CAMKMT: variants seen among roughly 807,000 people sequenced by gnomAD.
CAMKMT encodes the protein CaM KMT.
CAMKMT carries 53 observed loss-of-function variants against 48.0 expected under a neutral mutation model. That is an observed-to-expected ratio of 1.10 (90% CI 0.89 to 1.39). The LOEUF is 1.39. Ranked by LOEUF, CAMKMT falls within the 40% of genes most tolerant of loss-of-function variation. The probability of loss-of-function intolerance (pLI) is 0.00; values close to 1 mark genes in which losing one functional copy is unlikely to be tolerated. For synonymous variants in CAMKMT, 165 were observed against 152.3 expected, an observed-to-expected ratio of 1.08 and a Z score of -0.61; for missense variants, 428 against 402.7, an observed-to-expected ratio of 1.06 and a Z score of -0.54.
At chr2:44,698,182 T>C (rs1677063058) in intron 3 of CAMKMT, among the ~76,000 whole-genome samples, 1 of 152,240 alleles carries the variant, frequency 6.6e-6, no homozygotes, top group African/African-American at 2.4e-5. Flanking sequence ...TGTGCAACTG[T>C]CACCACAATT....
At chr2:44,585,458 G>T (rs1669806743) in intron 3 of CAMKMT, among the ~76,000 whole-genome samples, 1 of 152,178 alleles carries the variant, frequency 6.6e-6, no homozygotes, top group South Asian at 2.1e-4. Context: ...CTGCTTCTCT[G>T]GGGGGTTATA....
chr2:44,705,960 C>T (rs1464022006), intron 4 of CAMKMT, among the ~76,000 whole-genome samples: 2 of 152,076 alleles, frequency 1.3e-5, no homozygotes, highest in Non-Finnish European at 2.9e-5. Context: ...ACTTCTCTTT[C>T]GCTACTCTAG....
At chr2:44,437,487 A>T (rs58012696) in intron 3 of CAMKMT, among the ~76,000 whole-genome samples, 10,020 of 143,558 alleles carry the variant, frequency 0.07, 1,004 homozygotes, top group African/African-American at 0.27. Context: ...TAATTCCTTT[A>T]TGTCCATGTT....
At chr2:44,633,477 T>G (rs969976963) in intron 3 of CAMKMT, among the ~76,000 whole-genome samples, 28 of 152,310 alleles carry the variant, frequency 1.8e-4, no homozygotes, top group African/African-American at 5.8e-4. Flanking sequence ...TCTCTTTCTC[T>G]TTCAGTTTGG....
At chr2:44,482,047 T>A (rs890452301) in intron 3 of CAMKMT, among the ~76,000 whole-genome samples, 2 of 152,084 alleles carry the variant, frequency 1.3e-5, no homozygotes, top group Non-Finnish European at 2.9e-5. Context: ...ACAGAAACTG[T>A]TGACATGTTT....
At chr2:44,542,276 G>A (rs1416310181) in intron 3 of CAMKMT, among the ~76,000 whole-genome samples, 2 of 152,132 alleles carry the variant, frequency 1.3e-5, no homozygotes, top group South Asian at 2.1e-4. Flanking sequence ...TGGAGTTTAT[G>A]CAGCAAGCAT....
intron 7 of CAMKMT, among the ~76,000 whole-genome samples, chr2:44,743,024 G>A (rs1476768369): frequency 6.6e-6 from 1 of 152,318 alleles, no homozygotes; most frequent in Non-Finnish European, 1.5e-5. Flanking sequence ...GTTTTCAAAT[G>A]CATGTTACTA....
chr2:44,701,680 A>G (rs1331445053), intron 3 of CAMKMT, among the ~76,000 whole-genome samples: 3 of 152,204 alleles, frequency 2.0e-5, no homozygotes, highest in Non-Finnish European at 2.9e-5. Context: ...CATCATATCA[A>G]CAACTTTGAA....
At chr2:44,406,536 G>T (rs376313909) in intron 3 of CAMKMT, among the ~76,000 whole-genome samples, 35 of 151,958 alleles carry the variant, frequency 2.3e-4, no homozygotes, top group African/African-American at 7.2e-4. Flanking sequence ...TATCTTTTTT[G>T]TTGTTGTTGT....
chr2:44,650,311 T>C (rs919913314), intron 3 of CAMKMT, among the ~76,000 whole-genome samples: 1 of 152,154 alleles, frequency 6.6e-6, no homozygotes, highest in Non-Finnish European at 1.5e-5. Flanking sequence ...TCTCTCTGTC[T>C]TCACGTGGCC....
At chr2:44,643,269 G>T (rs1382858027) in intron 3 of CAMKMT, among the ~76,000 whole-genome samples, 1 of 152,174 alleles carries the variant, frequency 6.6e-6, no homozygotes. Context: ...CACTGTGTAA[G>T]GCATGGAGAG....
chr2:44,378,347 C>T (rs766743103), intron 2 of CAMKMT, among the ~76,000 whole-genome samples: 5 of 152,176 alleles, frequency 3.3e-5, no homozygotes, highest in Admixed American at 2.0e-4. Flanking sequence ...CAATATAGTA[C>T]ATGTAGAAAC....
At chr2:44,542,530 CACACACA>C (rs1667182952) in intron 3 of CAMKMT, among the ~76,000 whole-genome samples, 3 of 67,416 alleles carry the variant, frequency 4.4e-5, no homozygotes, top group Non-Finnish European at 1.5e-4. Context: ...CACACACACA[CACACACA>C]CTCTCTCTCT....
chr2:44,463,360 C>T (rs937424579), intron 3 of CAMKMT, among the ~76,000 whole-genome samples: 1 of 152,172 alleles, frequency 6.6e-6, no homozygotes, highest in Non-Finnish European at 1.5e-5. Context: ...ATGAATAGTT[C>T]TATTGAAAGA....
intron 3 of CAMKMT, among the ~76,000 whole-genome samples, chr2:44,538,749 C>T (rs1440729329): frequency 6.6e-6 from 1 of 150,464 alleles, no homozygotes; most frequent in Non-Finnish European, 1.5e-5. Context: ...CCAAAAACCA[C>T]TTGTACCCCC....
chr2:44,416,417 C>T (rs565597128), intron 3 of CAMKMT, among the ~76,000 whole-genome samples: 1 of 152,094 alleles, frequency 6.6e-6, no homozygotes, highest in Non-Finnish European at 1.5e-5. Context: ...AGAATGTTTT[C>T]TTCTGTTTTT....
intron 3 of CAMKMT, among the ~76,000 whole-genome samples, chr2:44,586,989 G>C (rs1669895181): frequency 6.6e-6 from 1 of 152,208 alleles, no homozygotes; most frequent in South Asian, 2.1e-4. Context: ...AGTCATTCTA[G>C]TAGATGTATT....
At chr2:44,663,109 T>C (rs1452748468) in intron 3 of CAMKMT, among the ~76,000 whole-genome samples, 2 of 152,220 alleles carry the variant, frequency 1.3e-5, no homozygotes, top group Non-Finnish European at 2.9e-5. Context: ...AGCCATGGTA[T>C]AATTATAAAA....
chr2:44,746,157 G>A (rs1315066728), intron 8 of CAMKMT, among the ~76,000 whole-genome samples: 3 of 152,196 alleles, frequency 2.0e-5, no homozygotes, highest in Non-Finnish European at 2.9e-5. Flanking sequence ...TAGGCCACAG[G>A]AATATGAAGC....
Sources: allele counts gnomAD v4.1 joint callset (sites outside exome capture counted in the v4.1 genomes callset), GRCh38; gene constraint gnomAD v4.1.1; transcripts MANE v1.5; gene names NCBI Gene and HGNC (gene_info 2026-07-23, HGNC 2026-07-21).